Variants in SLC12A2 observed in about 807,000 individuals in gnomAD.
The protein encoded by SLC12A2 is solute carrier family 12 member 2, also known as Na-K-2Cl cotransporter 1.
In SLC12A2, 67 loss-of-function variants were observed where a neutral mutation model predicts 136.3. That is an observed-to-expected ratio of 0.49 (90% confidence interval 0.40 to 0.60). The LOEUF is 0.60. Among genes scored for constraint, SLC12A2 ranks in the 20% least tolerant of loss-of-function variants. The pLI is 0.00. For missense variants in SLC12A2, 1,322 were observed against 1,534.7 expected (o/e 0.86, Z 2.32); for synonymous variants, 619 against 562.9 (o/e 1.10, Z -1.41).
At position 128,150,421 on chromosome 5, in the gene SLC12A2, T is replaced by A. The variant is rs559734226; in HGVS notation, c.2107+323T>A. 1.6e-4 allele frequency among the ~76,000 whole-genome samples: 24 copies of A among 151,934 alleles called. No homozygotes were observed. In the South Asian group the frequency reaches 4.4e-3, roughly 28 times the overall value. On this transcript the variant is annotated intron_variant, in intron 13 of 26. Coordinates refer to ENST00000262461, the MANE Select transcript of SLC12A2 (RefSeq NM_001046.3). ...TCTAAGAACATCATTATGATATAGT[T>A]TACCTGTAAGAAAATGGTTTTAACA...
intron 1 of SLC12A2, chr5:128,109,704 T>A: frequency 8.6e-7 from 1 of 1,163,646 alleles, no homozygotes; most frequent in Non-Finnish European, 1.3e-6. Context: ...CAGGTGAAAG[T>A]CCCAGCACCA....
intron 17 of SLC12A2, among the ~76,000 whole-genome samples, chr5:128,166,095 A>G (rs1204959895): frequency 6.6e-6 from 1 of 152,018 alleles, no homozygotes; most frequent in Non-Finnish European, 1.5e-5. Flanking sequence ...ACAGATGTAA[A>G]CTTTACAGAG....
At position 128,173,930 on chromosome 5, in the gene SLC12A2, T is replaced by C. The variant is rs188934802; in HGVS notation, c.2804-611T>C. Among the ~76,000 whole-genome samples the C allele has an allele frequency of 1.7e-3, 260 of 152,280 alleles. 2 individuals carry two copies. The highest frequency in any genetic ancestry group is 3.4e-3 in the Middle Eastern group (1 of 294). On this transcript the variant is annotated intron_variant, in intron 19 of 26. Transcript: ENST00000262461. ...AGAAATGGTACTTTCACCATGAACT[T>C]AGGAAGACTCCATTTGGTGGTCTTG...
chr5:128,184,083 A>G (rs1207347997), intron 24 of SLC12A2, among the ~76,000 whole-genome samples: 1 of 152,024 alleles, frequency 6.6e-6, no homozygotes, highest in Non-Finnish European at 1.5e-5. Flanking sequence ...TAGACATCGT[A>G]TTGGTGCTTA....
intron 20 of SLC12A2, among the ~76,000 whole-genome samples, chr5:128,176,146 A>G (rs966902839): frequency 2.0e-5 from 3 of 152,074 alleles, no homozygotes; most frequent in Non-Finnish European, 4.4e-5. Flanking sequence ...TACATCATGC[A>G]AGAAGTCAAA....
intron 1 of SLC12A2, among the ~76,000 whole-genome samples, chr5:128,088,348 G>A (rs190592354): frequency 4.6e-5 from 7 of 152,146 alleles, no homozygotes; most frequent in African/African-American, 9.6e-5. Context: ...ATGTATATAC[G>A]TACACACACA....
intron 6 of SLC12A2, 99 bp from the exon 7 acceptor site, chr5:128,135,601 C>A: frequency 1.2e-6 from 1 of 801,792 alleles, no homozygotes; most frequent in Non-Finnish European, 2.1e-6. Flanking sequence ...CAAAACAAGA[C>A]AGAAATTCTT....
At chr5:128,143,447 T>C (rs975253099) in intron 10 of SLC12A2, among the ~76,000 whole-genome samples, 2 of 152,164 alleles carry the variant, frequency 1.3e-5, no homozygotes, top group African/African-American at 4.8e-5. Flanking sequence ...GACAGGTTAG[T>C]AGTACTTCTC....
chr5:128,152,615 G>T, intron 14 of SLC12A2, 91 bp from the exon 15 acceptor site: 1 of 818,696 alleles, frequency 1.2e-6, no homozygotes, highest in Non-Finnish European at 2.2e-6. Flanking sequence ...TTTTAAATGT[G>T]AAAGCATGTT....
At position 128,084,244 on chromosome 5, in the gene SLC12A2, C is replaced by G. The variant is rs1759960245; in HGVS notation, c.290C>G (p.Ala97Gly). ...SENAGRAAAA[A>G]AAAAAAAAAA... ...AACGCCGGGCGGGCCGCTGCTGCGG[C>G]GGCGGCGGCGGCGGCGGCAGCGGCG... is the stretch of plus-strand genomic sequence containing the variant. The change falls in exon 1 of 27, where the codon GCG becomes GGG. Residue 97 changes from alanine to glycine, a missense_variant. This residue lies in a region of SLC12A2 where 358 missense variants were observed against 299.7 expected (regional missense o/e 1.19). Coordinates refer to ENST00000262461, the MANE Select transcript of SLC12A2 (RefSeq NM_001046.3). The surrounding 1 kb of genome is among the most constrained non-coding windows in gnomAD (Gnocchi z 5.6). 1.8e-5 allele frequency: 22 copies of G among 1,219,212 alleles called. No individual in the cohort carries two copies. The highest frequency in any genetic ancestry group is 2.1e-5 in the Non-Finnish European group (20 of 971,338). The allele number at this position is 1,219,212 out of a possible 1,614,324, so 75.5% of individuals were successfully genotyped here.
intron 10 of SLC12A2, among the ~76,000 whole-genome samples, chr5:128,147,062 A>C (rs1305090096): frequency 6.6e-6 from 1 of 150,418 alleles, no homozygotes; most frequent in Non-Finnish European, 1.5e-5. Context: ...GAGACGCATA[A>C]ACCAAATATA....
In SLC12A2 at chr5:128,158,967, G is replaced by A. The variant is rs115405521; in HGVS notation, c.2475+803G>A. On this transcript the variant is annotated intron_variant, in intron 16 of 26. Transcript: ENST00000262461. Reference sequence around the variant, plus strand: ...TGCTGTATATAATTTGTAATTTATAGGGCTTTCTAGATTGGAAATAATTTG... The same window carrying A: ...TGCTGTATATAATTTGTAATTTATAAGGCTTTCTAGATTGGAAATAATTTG... Among the ~76,000 whole-genome samples, 393 of 148,978 alleles carry A rather than the reference G, an allele frequency of 2.6e-3. 2 individuals carry two copies. Among genetic ancestry groups the A allele is most frequent in the African/African-American group, 9.3e-3 (375 of 40,336 alleles).
intron 1 of SLC12A2, among the ~76,000 whole-genome samples, chr5:128,096,031 T>C (rs1355129429): frequency 6.6e-6 from 1 of 152,178 alleles, no homozygotes; most frequent in Non-Finnish European, 1.5e-5. Context: ...AGTTGTCAGT[T>C]ATTAAACATC....
At chr5:128,173,140 C>T (rs952071220) in intron 19 of SLC12A2, among the ~76,000 whole-genome samples, 1 of 152,072 alleles carries the variant, frequency 6.6e-6, no homozygotes, top group African/African-American at 2.4e-5. Context: ...GAGGTATCTG[C>T]TTCTGTATTT....
At chr5:128,109,319 G>A (rs1482059609) in intron 1 of SLC12A2, among the ~76,000 whole-genome samples, 2 of 152,232 alleles carry the variant, frequency 1.3e-5, no homozygotes, top group African/African-American at 2.4e-5. Flanking sequence ...GTCCTGGGGC[G>A]GCGGAAACCC....
Position 128,184,752 on chromosome 5 carries a change from C to T in SLC12A2, c.3436-37C>T, listed in dbSNP as rs1354834070. ...ATGAACCATGCTAAATTCTTATTTC[C>T]ACATGGTCTAGGAATGACTGTCCTG... On this transcript the variant is annotated intron_variant, in intron 25 of 26. Coordinates refer to ENST00000262461, the MANE Select transcript of SLC12A2 (RefSeq NM_001046.3). 4 of 1,609,016 alleles carry T rather than the reference C, an allele frequency of 2.5e-6. No individual in the cohort carries two copies. In the African/African-American group the frequency reaches 4.0e-5, roughly 16 times the overall value.
intron 15 of SLC12A2, among the ~76,000 whole-genome samples, chr5:128,157,520 A>G (rs1335648840): frequency 6.6e-6 from 1 of 152,174 alleles, no homozygotes; most frequent in East Asian, 1.9e-4. Flanking sequence ...AGTGGTAATA[A>G]TTATGAAGTG....
intron 1 of SLC12A2, among the ~76,000 whole-genome samples, chr5:128,104,678 G>GATATATAGAT (rs1172392979): frequency 4.1e-5 from 3 of 73,824 alleles, no homozygotes; most frequent in African/African-American, 3.1e-4. Context: ...TAGATATATA[G>GATATATAGAT]ATATAGATAT....
At chr5:128,097,399 A>G (rs908433930) in intron 1 of SLC12A2, among the ~76,000 whole-genome samples, 1 of 152,058 alleles carries the variant, frequency 6.6e-6, no homozygotes, top group African/African-American at 2.4e-5. Context: ...ACTTTAAAGT[A>G]TATGTACCAT....
Sources: gnomAD v4.1 joint callset for allele counts (sites outside exome capture counted in the v4.1 genomes callset) on GRCh38, gnomAD v4.1.1 for gene constraint, gnomAD v4.1.1 regional missense constraint, Gnocchi (gnomAD v3.1) non-coding constraint, MANE v1.5 for transcripts, NCBI Gene and HGNC (gene_info 2026-07-23, HGNC 2026-07-21) for gene names.